DBF4B: variants seen among roughly 807,000 people sequenced by gnomAD.
DBF4B encodes protein DBF4 homolog B.
A neutral mutation model predicts 53.4 loss-of-function variants in DBF4B; 49 were observed. The observed-to-expected ratio is 0.92, with a 90% confidence interval of 0.73 to 1.16. The LOEUF is 1.16. DBF4B is among the 50% of genes most tolerant of loss of function. The probability of loss-of-function intolerance (pLI) is 0.00; values close to 1 mark genes in which losing one functional copy is unlikely to be tolerated. For synonymous variants in DBF4B, 257 were observed against 288.7 expected, an observed-to-expected ratio of 0.89 and a Z score of 1.11; for missense variants, 692 against 775.0, an observed-to-expected ratio of 0.89 and a Z score of 1.27.
At chr17:44,748,566 G>A in intron 13 of DBF4B, 101 bp downstream of exon 13, 2 of 1,564,046 alleles carry the variant, frequency 1.3e-6, no homozygotes, top group South Asian at 1.2e-5. Context: ...GCCAGGACCT[G>A]GGGGTGTCAG....
At chr17:44,726,726 T>G (rs575118444) in intron 3 of DBF4B, among the ~76,000 whole-genome samples, 1 of 152,324 alleles carries the variant, frequency 6.6e-6, no homozygotes, top group South Asian at 2.1e-4. Context: ...ATTTAGACTC[T>G]TAATAATTTT....
intron 10 of DBF4B, among the ~76,000 whole-genome samples, chr17:44,743,330 A>C (rs1452847025): frequency 6.6e-6 from 1 of 152,208 alleles, no homozygotes; most frequent in Admixed American, 6.5e-5. Flanking sequence ...GAAGTGTTTA[A>C]ATTTTTACAT....
intron 4 of DBF4B, among the ~76,000 whole-genome samples, chr17:44,730,400 G>A (rs1255639527): frequency 6.6e-6 from 1 of 152,206 alleles, no homozygotes; most frequent in Non-Finnish European, 1.5e-5. Context: ...CGCTTGGGCA[G>A]GAGTACCCTG....
intron 2 of DBF4B, chr17:44,720,164 T>C: frequency 2.8e-6 from 1 of 352,748 alleles, no homozygotes; most frequent in South Asian, 2.7e-5. Context: ...AGAATCGTCC[T>C]GGAGGTGATG....
In DBF4B at chr17:44,741,343, C is replaced by A; in HGVS notation, c.721C>A (p.Arg241Ser). Residue 241 changes from arginine (R) to serine (S), a missense_variant, in exon 10 of 14, where the codon CGT becomes AGT. Around this residue, in one of 3 missense-constraint regions of DBF4B, gnomAD observed 597 missense variants for 665.8 expected, o/e 0.90. Coordinates refer to ENST00000315005, the MANE Select transcript of DBF4B (RefSeq NM_145663.3). ...AAGTTTTCTCTGTTGCAGGAAGTTT[C>A]GTCCTTTCCATCATCAGTTTAAATC... Reference protein sequence around the residue: ...LKIEDESRKFRPFHHQFKSFP... With the variant: ...LKIEDESRKFSPFHHQFKSFP... The A allele has an allele frequency of 6.2e-7, 1 of 1,611,664 alleles. No individual in the cohort carries two copies. Among genetic ancestry groups the A allele is most frequent in the Non-Finnish European group, 8.5e-7 (1 of 1,177,930 alleles).
intron 2 of DBF4B, among the ~76,000 whole-genome samples, chr17:44,720,862 GGCTTTTTTTTT>G (rs1000189883): frequency 8.0e-5 from 12 of 150,126 alleles, no homozygotes; most frequent in Non-Finnish European, 1.3e-4. Flanking sequence ...GCTATTATCT[GGCTTTTTTTTT>G]TTTTTAAGTC....
At chr17:44,721,843 A>G (rs1973876301) in intron 2 of DBF4B, among the ~76,000 whole-genome samples, 1 of 151,428 alleles carries the variant, frequency 6.6e-6, no homozygotes, top group African/African-American at 2.4e-5. Flanking sequence ...ATAGAAGAGG[A>G]AACAACCCTG....
At chr17:44,726,796 T>C (rs1194778057) in intron 3 of DBF4B, among the ~76,000 whole-genome samples, 1 of 152,064 alleles carries the variant, frequency 6.6e-6, no homozygotes, top group Non-Finnish European at 1.5e-5. Flanking sequence ...CTATATTTGA[T>C]TCCATTAAAA....
At chr17:44,711,934 C>CAA (rs534607737) in intron 2 of DBF4B, among the ~76,000 whole-genome samples, 2 of 96,782 alleles carry the variant, frequency 2.1e-5, no homozygotes, top group African/African-American at 3.9e-5. Flanking sequence ...GACTCTGTCT[C>CAA]AAAAAAAAAA....
rs562484351 is a variant in DBF4B at position 44,741,766 on chromosome 17, C to T, written c.830+314C>T. Among the ~76,000 whole-genome samples the T allele has an allele frequency of 2.0e-4, 30 of 152,268 alleles. 1 individual carries two copies. The South Asian group carries it at 5.6e-3, about 28-fold the overall frequency. The stretch of plus-strand genomic sequence containing the variant: ...TGAGATACAGCACTCTTACCCTGTC[C>T]GCCCAGAACCCCTGGCCTGCACTGT... On this transcript the variant is annotated intron_variant, in intron 10 of 13. Coordinates refer to ENST00000315005, the MANE Select transcript of DBF4B (RefSeq NM_145663.3).
chr17:44,737,994 C>T (rs1038120927), intron 8 of DBF4B, among the ~76,000 whole-genome samples: 1 of 152,212 alleles, frequency 6.6e-6, no homozygotes, highest in Non-Finnish European at 1.5e-5. Context: ...GGAATGACCA[C>T]CCCCACCCTG....
chr17:44,712,061 C>T lies in DBF4B; in HGVS notation c.82+2695C>T, dbSNP rs1375475878. 2.0e-5 allele frequency among the ~76,000 whole-genome samples: 3 copies of T among 149,338 alleles called. No individual in the cohort carries two copies. In the East Asian group the frequency reaches 6.2e-4, roughly 31 times the overall value. ...GCAGTGAGCCGAGACTGTGCCATTG[C>T]ACTCCAGCCTGGGCAACAAGAATGA... On this transcript the variant is annotated intron_variant, in intron 2 of 13. Transcript: ENST00000315005.
At chr17:44,748,131 A>G (rs2049157195) in intron 12 of DBF4B, among the ~76,000 whole-genome samples, 2 of 152,144 alleles carry the variant, frequency 1.3e-5, no homozygotes, top group Admixed American at 1.3e-4. Context: ...GGCCCCAACC[A>G]CAGGCTGCAG....
chr17:44,728,417 TG>T (rs1363267653), intron 3 of DBF4B, among the ~76,000 whole-genome samples: 1 of 152,270 alleles, frequency 6.6e-6, no homozygotes, highest in Non-Finnish European at 1.5e-5. Context: ...GTGGGTATAC[TG>T]GGATGGGAGG....
At chr17:44,733,152 G>A (rs1275005709) in intron 6 of DBF4B, among the ~76,000 whole-genome samples, 3 of 147,022 alleles carry the variant, frequency 2.0e-5, no homozygotes, top group African/African-American at 5.1e-5. Context: ...GCGACAGAGC[G>A]AGACTCCGTC....
chr17:44,748,486 A>G (rs752442078), intron 13 of DBF4B, 21 bp downstream of exon 13: 9 of 1,613,354 alleles, frequency 5.6e-6, no homozygotes, highest in African/African-American at 1.3e-5. Context: ...GCAGGATGGG[A>G]CAGTGGACAG....
intron 3 of DBF4B, among the ~76,000 whole-genome samples, chr17:44,728,865 G>A (rs966270759): frequency 7.9e-5 from 12 of 151,880 alleles, no homozygotes; most frequent in Admixed American, 5.3e-4. Context: ...GGGAGGCCAA[G>A]GTGGGCAGAT....
At position 44,709,296 on chromosome 17, in the gene DBF4B, T is replaced by C. The variant is rs1463170149; in HGVS notation, c.20-8T>C. The C allele has an allele frequency of 5.6e-6, 9 of 1,613,978 alleles. No individual in the cohort carries two copies. The highest frequency in any genetic ancestry group is 6.8e-6 in the Non-Finnish European group (8 of 1,180,022). On this transcript the variant is annotated splice_polypyrimidine_tract_variant and splice_region_variant and intron_variant, in intron 1 of 13. Transcript: ENST00000315005. The stretch of plus-strand genomic sequence containing the variant: ...AGATGGTTGAGTTGCTGTTATGTCC[T>C]TTCTCAGGAGACGATTGCCTCGAGC...
Position 44,708,851 on chromosome 17 carries a change from G to A in DBF4B, c.19+12G>A, listed in dbSNP as rs1044880034. 3 of 1,551,160 alleles carry A rather than the reference G, an allele frequency of 1.9e-6. No homozygotes were observed. In the Admixed American group the frequency reaches 5.9e-5, roughly 30 times the overall value. On this transcript the variant is annotated intron_variant, in intron 1 of 13. Transcript: ENST00000315005. ...CGAACCGGGAAAGGGTACGGATGCC[G>A]GGAAGGGGAGAAAGAAAGGCGGAAG... is the stretch of plus-strand genomic sequence containing the variant.
Sources: allele counts gnomAD v4.1 joint callset (sites outside exome capture counted in the v4.1 genomes callset), GRCh38; gene constraint gnomAD v4.1.1; regional missense constraint gnomAD v4.1.1; transcripts MANE v1.5; gene names NCBI Gene and HGNC (gene_info 2026-07-23, HGNC 2026-07-21).